Variants in MEGF9 observed in about 807,000 individuals in gnomAD.
MEGF9 encodes the protein multiple epidermal growth factor-like domains protein 9.
Under a neutral mutation model 46.8 loss-of-function variants are expected in MEGF9, and 6 were observed. The ratio of observed to expected loss-of-function variants is 0.13; its 90% CI spans 0.07 to 0.25. The LOEUF is 0.25. Among genes scored for constraint, MEGF9 ranks in the 10% least tolerant of loss-of-function variants. The pLI, the probability that MEGF9 is intolerant of heterozygous loss-of-function variation, is 1.00. For missense variants in MEGF9, 683 were observed against 792.4 expected, an observed-to-expected ratio of 0.86 and a Z score of 1.66; for synonymous variants, 302 against 330.7, an observed-to-expected ratio of 0.91 and a Z score of 0.94.
chr9:120,688,910 T>C (rs1166726056), intron 1 of MEGF9, among the ~76,000 whole-genome samples: 2 of 152,166 alleles, frequency 1.3e-5, no homozygotes, highest in Non-Finnish European at 2.9e-5. Flanking sequence ...AATTCTTCTC[T>C]GAGGTTTCTA....
chr9:120,622,416 A>AT (rs1564414082), intron 3 of MEGF9, among the ~76,000 whole-genome samples, 200 bp downstream of exon 3: 7 of 36,050 alleles, frequency 1.9e-4, no homozygotes, highest in Admixed American at 1.5e-3. Context: ...TAGGTATATG[A>AT]CTTTTTTTTT....
chr9:120,660,473 GA>G (rs563826719), intron 1 of MEGF9, among the ~76,000 whole-genome samples: 109 of 151,972 alleles, frequency 7.2e-4, no homozygotes, highest in Non-Finnish European at 1.4e-3. Context: ...CTAAATTATT[GA>G]CCACAGTCTA....
chr9:120,673,133 T>C (rs1564425191), intron 1 of MEGF9, among the ~76,000 whole-genome samples: 1 of 152,222 alleles, frequency 6.6e-6, no homozygotes, highest in African/African-American at 2.4e-5. Context: ...TAATACCACT[T>C]AGAATAGCTC....
chr9:120,687,102 A>C (rs1424437411), intron 1 of MEGF9, among the ~76,000 whole-genome samples: 1 of 152,230 alleles, frequency 6.6e-6, no homozygotes, highest in Non-Finnish European at 1.5e-5. Context: ...GAATGGTTAC[A>C]CATAAAATTT....
chr9:120,684,179 C>T (rs1462785592), intron 1 of MEGF9, among the ~76,000 whole-genome samples: 1 of 152,072 alleles, frequency 6.6e-6, no homozygotes, highest in East Asian at 1.9e-4. Flanking sequence ...GACAGGAGAA[C>T]CTGAATTTGG....
At chr9:120,611,832 A>AAGGAAGG (rs2043447027) in intron 4 of MEGF9, among the ~76,000 whole-genome samples, 1 of 139,262 alleles carries the variant, frequency 7.2e-6, no homozygotes, top group African/African-American at 2.9e-5. Flanking sequence ...GAAAAGAAAG[A>AAGGAAGG]AAGGAAGGAA....
intron 1 of MEGF9, among the ~76,000 whole-genome samples, chr9:120,676,617 G>C (rs2043774392): frequency 6.6e-6 from 1 of 152,048 alleles, no homozygotes; most frequent in Admixed American, 6.6e-5. Flanking sequence ...ATGATTATGA[G>C]ATCTTCCATT....
intron 3 of MEGF9, among the ~76,000 whole-genome samples, chr9:120,621,804 C>T (rs1015141208): frequency 6.6e-6 from 1 of 152,080 alleles, no homozygotes; most frequent in African/African-American, 2.4e-5. Context: ...GAGAGAATTA[C>T]TTCAATCCAA....
intron 1 of MEGF9, among the ~76,000 whole-genome samples, chr9:120,703,834 G>A (rs1299871910): frequency 6.6e-6 from 1 of 151,974 alleles, no homozygotes; most frequent in East Asian, 1.9e-4. Flanking sequence ...TTAGCTGGGT[G>A]TGGTGGTGGG....
chr9:120,653,373 TA>T (rs1299783446), intron 2 of MEGF9, among the ~76,000 whole-genome samples: 41 of 149,692 alleles, frequency 2.7e-4, no homozygotes, highest in African/African-American at 7.7e-4. Flanking sequence ...TTATTTATTT[TA>T]TTTATTTTTT....
chr9:120,617,974 G>GA (rs1013479667), intron 3 of MEGF9, among the ~76,000 whole-genome samples: 4 of 151,896 alleles, frequency 2.6e-5, no homozygotes, highest in Non-Finnish European at 5.9e-5. Flanking sequence ...CTTATAAGTT[G>GA]AAAAAAAAGT....
At chr9:120,612,608 T>C in intron 3 of MEGF9, 69 bp from the exon 4 acceptor site, 1 of 1,389,408 alleles carries the variant, frequency 7.2e-7, no homozygotes, top group Non-Finnish European at 9.8e-7. Flanking sequence ...TCAAAAATCA[T>C]GCCTGCAACA....
chr9:120,703,520 G>T (rs2043914492), intron 1 of MEGF9, among the ~76,000 whole-genome samples: 1 of 152,178 alleles, frequency 6.6e-6, no homozygotes, highest in Non-Finnish European at 1.5e-5. Flanking sequence ...ATCCTTATAG[G>T]TAATCAGGCA....
chr9:120,687,346 C>A (rs1208563446), intron 1 of MEGF9, among the ~76,000 whole-genome samples: 2 of 152,114 alleles, frequency 1.3e-5, no homozygotes, highest in Non-Finnish European at 2.9e-5. Context: ...TCAGAACCTG[C>A]AGTATCATAA....
At chr9:120,690,069 G>T (rs540377613) in intron 1 of MEGF9, 1 of 471,510 alleles carries the variant, frequency 2.1e-6, no homozygotes, top group East Asian at 6.5e-5. Flanking sequence ...TCCAAAGAAG[G>T]AGTTCACGCT....
At chr9:120,673,502 G>A (rs139485301) in intron 1 of MEGF9, among the ~76,000 whole-genome samples, 2,289 of 150,862 alleles carry the variant, frequency 0.015, 58 homozygotes, top group African/African-American at 0.053. Context: ...ATGGAATAGA[G>A]AGCCCAGAAA....
chr9:120,681,729 C>G (rs770593960), intron 1 of MEGF9, among the ~76,000 whole-genome samples: 8 of 152,104 alleles, frequency 5.3e-5, no homozygotes, highest in Non-Finnish European at 8.8e-5. Flanking sequence ...ATGTTGGTAA[C>G]TATTCTTCAA....
In MEGF9 at chr9:120,659,537, C is replaced by T. The variant is rs749474793; in HGVS notation, c.640G>A (p.Val214Met). 63 of 1,613,260 alleles carry T rather than the reference C, an allele frequency of 3.9e-5. No individual in the cohort carries two copies. The highest frequency in any genetic ancestry group is 7.6e-6 in the Non-Finnish European group (9 of 1,179,664). Residue 214 changes from valine (V) to methionine (M), a missense_variant, in exon 2 of 6, where the codon GTG becomes ATG. This residue lies in a region of MEGF9 where 370 missense variants were observed against 371.3 expected (regional missense o/e 1.00). Transcript: ENST00000373930. ...CCTGTGGTCTGGTTGCAGCGATTCA[C>T]ATTCAGGCTTCCAACCACAGAGCAG... ...CNCSVVGSLNVNRCNQTTGQC... is the reference protein window; with the variant it reads ...CNCSVVGSLNMNRCNQTTGQC...
chr9:120,697,977 G>A (rs1290157756), intron 1 of MEGF9, among the ~76,000 whole-genome samples: 2 of 152,012 alleles, frequency 1.3e-5, no homozygotes, highest in Non-Finnish European at 2.9e-5. Context: ...TTAATCAAAG[G>A]AAAAAAGGGG....
Sources: gnomAD v4.1 joint callset for allele counts (sites outside exome capture counted in the v4.1 genomes callset) on GRCh38, gnomAD v4.1.1 for gene constraint, gnomAD v4.1.1 regional missense constraint, MANE v1.5 for transcripts, NCBI Gene and HGNC (gene_info 2026-07-23, HGNC 2026-07-21) for gene names.